The following ATF2 variants were observed in gnomAD, a reference collection of about 807,000 sequenced individuals.
The protein encoded by ATF2 is cyclic AMP-dependent transcription factor ATF-2.
Under a neutral mutation model 60.6 loss-of-function variants are expected in ATF2, and 24 were observed. That is an observed-to-expected ratio of 0.40 (90% CI 0.29 to 0.56). The LOEUF is 0.56. Ranked by LOEUF, ATF2 falls within the 20% of genes least tolerant of loss-of-function variation. ATF2 has a pLI of 0.54. For synonymous variants in ATF2, 206 were observed against 215.4 expected (o/e 0.96, Z 0.38); for missense variants, 433 against 607.7 (o/e 0.71, Z 3.02).
intron 1 of ATF2, among the ~76,000 whole-genome samples, chr2:175,155,342 C>A (rs1007098435): frequency 1.3e-5 from 2 of 152,166 alleles, no homozygotes; most frequent in Non-Finnish European, 2.9e-5. Flanking sequence ...TTAAAACCTC[C>A]ATTAATCAAG....
intron 10 of ATF2, among the ~76,000 whole-genome samples, chr2:175,110,739 A>G (rs1045812603): frequency 3.3e-5 from 5 of 151,938 alleles, no homozygotes; most frequent in African/African-American, 1.2e-4. Context: ...CCGAGTAGCT[A>G]GGATTACAGG....
At chr2:175,143,313 G>T (rs564991793) in intron 2 of ATF2, among the ~76,000 whole-genome samples, 1 of 151,744 alleles carries the variant, frequency 6.6e-6, no homozygotes, top group Non-Finnish European at 1.5e-5. Context: ...TATATAAATA[G>T]TATTACAACT....
chr2:175,154,191 G>A (rs943849566), intron 1 of ATF2, among the ~76,000 whole-genome samples: 7 of 149,226 alleles, frequency 4.7e-5, no homozygotes, highest in Admixed American at 1.3e-4. Flanking sequence ...TCCAGCCTAG[G>A]CAAGAAGAGC....
Position 175,097,594 on chromosome 2 carries a change from C to T in ATF2, c.829-1G>A. 1.2e-6 allele frequency: 2 copies of T among 1,613,506 alleles called. No homozygotes were observed. The highest frequency in any genetic ancestry group is 1.7e-6 in the Non-Finnish European group (2 of 1,179,844). ...GCTGGGTCAAAGCAGCTTTTAATCT[C>T]TGCAATGCAAACACCATTAAAAATT... On this transcript the variant is annotated splice_acceptor_variant, in intron 10 of 13. Transcript: ENST00000264110. LOFTEE classifies it high-confidence loss of function.
chr2:175,142,716 A>AGT (rs1451684943), intron 2 of ATF2, among the ~76,000 whole-genome samples: 3,597 of 120,278 alleles, frequency 0.03, 32 homozygotes, highest in East Asian at 0.049. Context: ...AGAGAGAGAG[A>AGT]GAGAGTGTGT....
At chr2:175,080,136 T>C (rs1693665693) in intron 13 of ATF2, 1 of 152,172 alleles carries the variant, frequency 6.6e-6, no homozygotes, top group South Asian at 2.1e-4. Context: ...GTTTTAACAT[T>C]TTTATAAACT....
At chr2:175,149,602 GA>G (rs1699177247) in intron 2 of ATF2, among the ~76,000 whole-genome samples, 1 of 152,128 alleles carries the variant, frequency 6.6e-6, no homozygotes, top group Admixed American at 6.6e-5. Flanking sequence ...CTGCTAAGTT[GA>G]AGGGAGAATA....
chr2:175,097,384 AC>A, intron 11 of ATF2, 59 bp downstream of exon 11: 2 of 1,581,166 alleles, frequency 1.3e-6, no homozygotes, highest in Non-Finnish European at 1.7e-6. Flanking sequence ...GCCGTAAGTT[AC>A]ACTGTACTTT....
At chr2:175,106,016 T>C (rs1440839556) in intron 10 of ATF2, among the ~76,000 whole-genome samples, 1 of 152,050 alleles carries the variant, frequency 6.6e-6, no homozygotes, top group African/African-American at 2.4e-5. Flanking sequence ...AGAAAAAAGA[T>C]TTAAATAGAT....
intron 2 of ATF2, among the ~76,000 whole-genome samples, chr2:175,145,098 T>G (rs1162038893): frequency 6.6e-6 from 1 of 152,068 alleles, no homozygotes; most frequent in East Asian, 1.9e-4. Flanking sequence ...GATACAGAAA[T>G]ATAGATGTTA....
intron 5 of ATF2, among the ~76,000 whole-genome samples, chr2:175,119,204 A>G (rs1035366351): frequency 6.6e-6 from 1 of 151,726 alleles, no homozygotes; most frequent in African/African-American, 2.4e-5. Flanking sequence ...CTGCCTATTT[A>G]GTGTTACTAT....
chr2:175,079,432 G>T (rs1317275868), intron 13 of ATF2, among the ~76,000 whole-genome samples: 2 of 151,944 alleles, frequency 1.3e-5, no homozygotes, highest in African/African-American at 4.8e-5. Context: ...GAACCATAAT[G>T]GCCTCATCCC....
chr2:175,141,571 T>C (rs1486022306), intron 2 of ATF2, among the ~76,000 whole-genome samples: 2 of 151,868 alleles, frequency 1.3e-5, no homozygotes, highest in African/African-American at 4.8e-5. Flanking sequence ...CGGTTCACTG[T>C]AAGCTCCATC....
intron 13 of ATF2, among the ~76,000 whole-genome samples, chr2:175,078,336 T>A (rs1693514936): frequency 6.6e-6 from 1 of 152,198 alleles, no homozygotes; most frequent in Non-Finnish European, 1.5e-5. Context: ...TTTCTTCCCA[T>A]TTATAATTAT....
At chr2:175,144,923 A>ACG (rs1370699622) in intron 2 of ATF2, among the ~76,000 whole-genome samples, 20 of 152,256 alleles carry the variant, frequency 1.3e-4, no homozygotes, top group African/African-American at 4.8e-4. Flanking sequence ...CAGGCAATTC[A>ACG]TTATGTAAAT....
rs12478343 is a variant in ATF2, at chr2:175,156,385, A to C, written c.-142-5227T>G. Among the ~76,000 whole-genome samples, 1,061 of 148,796 alleles carry C rather than the reference A, an allele frequency of 7.1e-3. 12 individuals carry two copies. Among genetic ancestry groups the C allele is most frequent in the Admixed American group, 0.032 (470 of 14,864 alleles). On this transcript the variant is annotated intron_variant, in intron 1 of 13. Transcript: ENST00000264110. The stretch of plus-strand genomic sequence containing the variant: ...GACTCTGTCTCAAAAAACAAAAAAA[A>C]AAAAAAAAAAAAAAAAAAGGACTAC...
intron 2 of ATF2, 81 bp from the exon 3 acceptor site, chr2:175,136,567 T>C: frequency 1.1e-6 from 1 of 902,836 alleles, no homozygotes; most frequent in Non-Finnish European, 1.8e-6. Context: ...GTGCTCAAAT[T>C]ACTCTCTGTA....
intron 13 of ATF2, 98 bp from the exon 14 acceptor site, chr2:175,074,933 T>C: frequency 6.5e-7 from 1 of 1,544,012 alleles, no homozygotes; most frequent in East Asian, 2.4e-5. Flanking sequence ...AGAAAGTATC[T>C]TACAAAACTG....
At chr2:175,109,394 CTATT>C (rs1696012179) in intron 10 of ATF2, among the ~76,000 whole-genome samples, 2 of 152,178 alleles carry the variant, frequency 1.3e-5, no homozygotes, top group South Asian at 2.1e-4. Context: ...TATAAAGTGG[CTATT>C]TATATGAAAT....
Sources: allele counts gnomAD v4.1 joint callset (sites outside exome capture counted in the v4.1 genomes callset), GRCh38; gene constraint gnomAD v4.1.1; transcripts MANE v1.5; gene names NCBI Gene and HGNC (gene_info 2026-07-23, HGNC 2026-07-21).